The following ZC3H12B variants were observed in gnomAD, a reference collection of about 807,000 sequenced individuals.
ZC3H12B encodes zinc finger CCCH-type containing 12B.
A neutral mutation model predicts 43.9 loss-of-function variants in ZC3H12B; 7 were observed. The ratio of observed to expected loss-of-function variants is 0.16; its 90% CI spans 0.09 to 0.30. The LOEUF (loss-of-function observed/expected upper bound fraction) is 0.30, where lower values mean the gene tolerates loss of function less well. Ranked by LOEUF, ZC3H12B falls within the 10% of genes least tolerant of loss-of-function variation. ZC3H12B has a pLI of 1.00. For missense variants in ZC3H12B, 475 were observed against 670.2 expected (o/e 0.71, Z 3.22); for synonymous variants, 222 against 241.7 (o/e 0.92, Z 0.76).
At chrX:65,060,165 G>A in the ZC3H12B span, among the ~76,000 whole-genome samples, 1 of 112,119 alleles carries the variant, frequency 8.9e-6, no homozygotes. Context: ...AAACAAGGAT[G>A]ATTTAACTTC....
chrX:65,106,463 G>T, the ZC3H12B span, among the ~76,000 whole-genome samples: 14 of 111,447 alleles, frequency 1.3e-4, no homozygotes, highest in African/African-American at 4.6e-4. Flanking sequence ...GTAGTTTAGA[G>T]GATGGATTTG....
At chrX:65,285,063 T>C in the ZC3H12B span, among the ~76,000 whole-genome samples, 1 of 110,759 alleles carries the variant, frequency 9.0e-6, no homozygotes, top group African/African-American at 3.3e-5. Flanking sequence ...AGAAAACCTA[T>C]TTAATAAAAT....
chrX:65,108,303 AATTT>A, the ZC3H12B span, among the ~76,000 whole-genome samples: 4 of 111,933 alleles, frequency 3.6e-5, no homozygotes, highest in Admixed American at 2.8e-4. Flanking sequence ...TTAATTTTTT[AATTT>A]ATTTATAGTA....
the ZC3H12B span, among the ~76,000 whole-genome samples, chrX:65,229,245 C>G: frequency 1.8e-5 from 2 of 111,713 alleles, no homozygotes; most frequent in Non-Finnish European, 3.8e-5. Flanking sequence ...CTACAACTAT[C>G]TGATCTTTGA....
At chrX:65,194,709 T>A in the ZC3H12B span, among the ~76,000 whole-genome samples, 52 of 112,324 alleles carry the variant, frequency 4.6e-4, no homozygotes, top group African/African-American at 1.6e-3. Flanking sequence ...TAGTGCAGAT[T>A]AACTACAATG....
intron 3 of ZC3H12B, among the ~76,000 whole-genome samples, chrX:65,468,728 C>T (rs1054780861): frequency 4.8e-5 from 5 of 104,133 alleles, no homozygotes; most frequent in Non-Finnish European, 9.8e-5. Context: ...CCTCATGATC[C>T]GCCTGCCTCG....
At chrX:65,325,083 T>A in the ZC3H12B span, among the ~76,000 whole-genome samples, 1 of 111,193 alleles carries the variant, frequency 9.0e-6, no homozygotes, top group South Asian at 3.7e-4. Context: ...TAAAGTTTAT[T>A]TTATCTTATA....
chrX:65,162,380 T>A, the ZC3H12B span, among the ~76,000 whole-genome samples: 1 of 112,088 alleles, frequency 8.9e-6, no homozygotes, highest in Non-Finnish European at 1.9e-5. Context: ...TTCGTTCCGT[T>A]CTCCCCATCA....
chrX:65,152,632 T>C, the ZC3H12B span, among the ~76,000 whole-genome samples: 1 of 111,241 alleles, frequency 9.0e-6, no homozygotes, highest in Non-Finnish European at 1.9e-5. Flanking sequence ...GTAGGAAGAA[T>C]CAATATCGTG....
chrX:65,414,261 A>AT lies in ZC3H12B; in HGVS notation n.407+15567dup, dbSNP rs376514092. Among the ~76,000 whole-genome samples, 271 of 104,762 alleles carry AT rather than the reference A, an allele frequency of 2.6e-3. 2 individuals are homozygous for AT. Among genetic ancestry groups the AT allele is most frequent in the East Asian group, 6.3e-3 (21 of 3,348 alleles). 91.0% of individuals were successfully genotyped at this position (104,762 alleles called of 115,157 possible). On this transcript the variant is annotated intron_variant and non_coding_transcript_variant, in intron 3 of 5. Transcript: ENST00000617377. ...ATTGGGAAGTGTTCCCTCCTCTTCT[A>AT]TTTTTTTTTTGAGGGGGGGAAGGGT...
intron 3 of ZC3H12B, among the ~76,000 whole-genome samples, chrX:65,418,207 CAATT>C (rs1305441632): frequency 1.8e-5 from 2 of 111,301 alleles, no homozygotes; most frequent in Admixed American, 9.6e-5. Flanking sequence ...AATTGTTTTA[CAATT>C]AATTAATTAA....
At chrX:65,227,542 C>G in the ZC3H12B span, among the ~76,000 whole-genome samples, 1 of 110,933 alleles carries the variant, frequency 9.0e-6, no homozygotes, top group Admixed American at 9.6e-5. Flanking sequence ...CAGAGCAGAA[C>G]TGAAGGAAAT....
chrX:65,213,374 G>A, the ZC3H12B span, among the ~76,000 whole-genome samples: 1 of 110,859 alleles, frequency 9.0e-6, no homozygotes, highest in African/African-American at 3.3e-5. Flanking sequence ...TATCTTATGT[G>A]TCCCAATACT....
chrX:65,369,786 T>C (rs1343809764), intron 2 of ZC3H12B, among the ~76,000 whole-genome samples: 1 of 112,085 alleles, frequency 8.9e-6, no homozygotes, highest in Non-Finnish European at 1.9e-5. Context: ...TTTGTAAGTG[T>C]AGAATCAAGC....
chrX:65,327,379 T>G, the ZC3H12B span, among the ~76,000 whole-genome samples: 4 of 111,625 alleles, frequency 3.6e-5, no homozygotes, highest in Non-Finnish European at 5.7e-5. Context: ...TTAAAACAAT[T>G]CCTAAAAGAT....
the ZC3H12B span, among the ~76,000 whole-genome samples, chrX:65,118,550 T>G: frequency 9.0e-6 from 1 of 111,409 alleles, no homozygotes; most frequent in Non-Finnish European, 1.9e-5. Context: ...TGAATACCCT[T>G]TATTTCTTTC....
At chrX:65,226,410 CA>C in the ZC3H12B span, among the ~76,000 whole-genome samples, 1 of 111,638 alleles carries the variant, frequency 9.0e-6, no homozygotes, top group Non-Finnish European at 1.9e-5. Flanking sequence ...CCAGCCACTG[CA>C]AAATCATGCC....
chrX:65,140,123 C>G, the ZC3H12B span, among the ~76,000 whole-genome samples: 1 of 110,983 alleles, frequency 9.0e-6, no homozygotes, highest in South Asian at 3.8e-4. Context: ...AATGCCAGTA[C>G]TATGTTGAAT....
chrX:65,076,381 C>T, the ZC3H12B span, among the ~76,000 whole-genome samples: 1 of 111,063 alleles, frequency 9.0e-6, no homozygotes, highest in African/African-American at 3.3e-5. Context: ...TCAAGCAATT[C>T]TTCCACCTCA....
Sources: gnomAD v4.1 joint callset for allele counts (sites outside exome capture counted in the v4.1 genomes callset) on GRCh38, gnomAD v4.1.1 for gene constraint, MANE v1.5 for transcripts, NCBI Gene and HGNC (gene_info 2026-07-23, HGNC 2026-07-21) for gene names.